Variants in SLC39A11 observed in about 807,000 individuals in gnomAD.
The protein encoded by SLC39A11 is zinc transporter ZIP11.
Under a neutral mutation model 36.1 loss-of-function variants are expected in SLC39A11, and 33 were observed. That is an observed-to-expected ratio of 0.91 (90% CI 0.69 to 1.22). The LOEUF (loss-of-function observed/expected upper bound fraction) is 1.22, where lower values mean the gene tolerates loss of function less well. Among genes scored for constraint, SLC39A11 ranks in the 50% most tolerant of loss-of-function variants. SLC39A11 has a pLI of 0.00. For synonymous variants in SLC39A11, 166 were observed against 170.3 expected, an observed-to-expected ratio of 0.97 and a Z score of 0.20; for missense variants, 432 against 430.3, an observed-to-expected ratio of 1.00 and a Z score of -0.03.
At chr17:72,841,444 C>T (rs2078803427) in intron 6 of SLC39A11, among the ~76,000 whole-genome samples, 1 of 152,278 alleles carries the variant, frequency 6.6e-6, no homozygotes, top group African/African-American at 2.4e-5. Flanking sequence ...CTAAGCCAGG[C>T]ATGGAAAGAC....
chr17:72,867,728 A>C (rs2080373250), intron 5 of SLC39A11, among the ~76,000 whole-genome samples: 1 of 151,800 alleles, frequency 6.6e-6, no homozygotes, highest in Non-Finnish European at 1.5e-5. Flanking sequence ...GTTCCTCAAG[A>C]CAGCCCCTGG....
chr17:73,088,815 G>A (rs780089217), intron 1 of SLC39A11, 40 bp from the exon 2 acceptor site: 60 of 1,445,026 alleles, frequency 4.2e-5, no homozygotes, highest in African/African-American at 1.4e-4. Context: ...CCGGTGGTCC[G>A]TTTCAGTGAC....
chr17:72,919,016 T>C (rs573054135), intron 5 of SLC39A11, among the ~76,000 whole-genome samples: 38 of 152,188 alleles, frequency 2.5e-4, no homozygotes, highest in African/African-American at 9.2e-4. Flanking sequence ...TGAGCCAAGA[T>C]TGCACCACTG....
chr17:72,669,153 T>C (rs1409197399), intron 7 of SLC39A11, among the ~76,000 whole-genome samples: 1 of 152,230 alleles, frequency 6.6e-6, no homozygotes, highest in Admixed American at 6.5e-5. Flanking sequence ...AATGTTTTGT[T>C]TTTGTTTTTC....
chr17:72,874,647 T>C (rs992448373), intron 5 of SLC39A11, among the ~76,000 whole-genome samples: 1 of 152,174 alleles, frequency 6.6e-6, no homozygotes, highest in Non-Finnish European at 1.5e-5. Context: ...TTCAAAACCT[T>C]GCTTCCAAAG....
intron 5 of SLC39A11, among the ~76,000 whole-genome samples, chr17:72,907,170 A>G (rs1038060760): frequency 1.3e-5 from 2 of 152,152 alleles, no homozygotes; most frequent in African/African-American, 4.8e-5. Context: ...CCTGCTGGAG[A>G]GCACAAGGAA....
chr17:73,027,282 TG>T (rs1408040925), intron 4 of SLC39A11, among the ~76,000 whole-genome samples: 1 of 152,216 alleles, frequency 6.6e-6, no homozygotes, highest in East Asian at 1.9e-4. Context: ...AAGGGGAGCA[TG>T]GGCTCCAGCT....
At chr17:72,965,046 G>C (rs747297609) in intron 4 of SLC39A11, among the ~76,000 whole-genome samples, 42 of 148,304 alleles carry the variant, frequency 2.8e-4, no homozygotes, top group Middle Eastern at 3.4e-3. Context: ...GGTGCGAATT[G>C]AACAATGAGA....
intron 5 of SLC39A11, among the ~76,000 whole-genome samples, chr17:72,894,440 T>G (rs1024570233): frequency 7.5e-5 from 8 of 106,800 alleles, no homozygotes; most frequent in East Asian, 2.7e-4. Context: ...GAGGCTGAGG[T>G]GGGCAGATCA....
At chr17:72,850,446 C>T (rs1367601277) in intron 5 of SLC39A11, among the ~76,000 whole-genome samples, 1 of 142,344 alleles carries the variant, frequency 7.0e-6, no homozygotes, top group East Asian at 2.0e-4. Context: ...AGAGTAAGAC[C>T]CTGTCTCAAA....
intron 4 of SLC39A11, among the ~76,000 whole-genome samples, chr17:73,011,944 G>A (rs986409123): frequency 1.3e-5 from 2 of 151,302 alleles, no homozygotes; most frequent in Middle Eastern, 3.4e-3. Context: ...TTACAGGTGT[G>A]AGCCACTGCC....
At chr17:72,857,196 C>T (rs1031243120) in intron 5 of SLC39A11, among the ~76,000 whole-genome samples, 1 of 152,158 alleles carries the variant, frequency 6.6e-6, no homozygotes, top group African/African-American at 2.4e-5. Flanking sequence ...CACAAGTTCT[C>T]ATCATTTAAC....
At chr17:72,699,935 C>A (rs531008883) in intron 7 of SLC39A11, among the ~76,000 whole-genome samples, 1 of 152,286 alleles carries the variant, frequency 6.6e-6, no homozygotes, top group Non-Finnish European at 1.5e-5. Context: ...TAGAGACCCA[C>A]ACCAAAAAAA....
intron 4 of SLC39A11, among the ~76,000 whole-genome samples, chr17:72,998,711 A>C (rs952864495): frequency 2.6e-5 from 4 of 152,244 alleles, no homozygotes; most frequent in Middle Eastern, 3.2e-3. Flanking sequence ...TGGTTTTGAC[A>C]CATGCAGCTG....
intron 3 of SLC39A11, among the ~76,000 whole-genome samples, chr17:73,046,709 A>T (rs1024814150): frequency 1.3e-5 from 2 of 152,080 alleles, no homozygotes; most frequent in Admixed American, 1.3e-4. Context: ...CGGGAGGTCG[A>T]AGTGGGCAGA....
intron 6 of SLC39A11, among the ~76,000 whole-genome samples, chr17:72,796,533 C>T (rs1179186219): frequency 6.6e-6 from 1 of 152,134 alleles, no homozygotes; most frequent in African/African-American, 2.4e-5. Flanking sequence ...CAGCCCAGGG[C>T]ATGCCAGGTG....
intron 6 of SLC39A11, among the ~76,000 whole-genome samples, chr17:72,821,380 C>G (rs2077773208): frequency 6.7e-6 from 1 of 150,004 alleles, no homozygotes; most frequent in Non-Finnish European, 1.5e-5. Flanking sequence ...GTGATGCACA[C>G]CTGTAGTCCC....
At chr17:73,038,954 T>C (rs2059019518) in intron 3 of SLC39A11, among the ~76,000 whole-genome samples, 1 of 151,978 alleles carries the variant, frequency 6.6e-6, no homozygotes, top group Non-Finnish European at 1.5e-5. Context: ...CCAAGACCCA[T>C]CTCCCATGCC....
intron 7 of SLC39A11, among the ~76,000 whole-genome samples, chr17:72,650,153 C>A (rs1303368799): frequency 6.6e-6 from 1 of 152,224 alleles, no homozygotes; most frequent in Non-Finnish European, 1.5e-5. Context: ...TCTCCGTGGG[C>A]TCTGCAGGTC....
Sources: allele counts gnomAD v4.1 joint callset (sites outside exome capture counted in the v4.1 genomes callset), GRCh38; gene constraint gnomAD v4.1.1; transcripts MANE v1.5; gene names NCBI Gene and HGNC (gene_info 2026-07-23, HGNC 2026-07-21).